Variants in ROBO1 observed in about 807,000 individuals in gnomAD.
The protein encoded by ROBO1 is roundabout guidance receptor 1, also known as roundabout homolog 1.
A neutral mutation model predicts 195.9 loss-of-function variants in ROBO1; 149 were observed. The observed-to-expected ratio is 0.76, with a 90% CI of 0.67 to 0.87. ROBO1 has a LOEUF of 0.87. Ranked by LOEUF, ROBO1 falls within the 40% of genes least tolerant of loss-of-function variation. ROBO1 has a pLI of 0.00. For synonymous variants in ROBO1, 816 were observed against 733.2 expected, an observed-to-expected ratio of 1.11 and a Z score of -1.82; for missense variants, 1,933 against 2,068.3, an observed-to-expected ratio of 0.93 and a Z score of 1.27.
At chr3:78,698,748 C>G (rs1159789982) in intron 8 of ROBO1, among the ~76,000 whole-genome samples, 3 of 152,174 alleles carry the variant, frequency 2.0e-5, no homozygotes, top group African/African-American at 4.8e-5. Context: ...TAAAGCTTAT[C>G]AGAATACTAA....
chr3:79,427,851 A>AT (rs1341514070), intron 2 of ROBO1, among the ~76,000 whole-genome samples: 1 of 151,960 alleles, frequency 6.6e-6, no homozygotes, highest in Non-Finnish European at 1.5e-5. Context: ...AAAGAAAACA[A>AT]TGGGGAAACT....
rs751773740 is a variant in ROBO1 at position 78,617,659 on chromosome 3, G to A, written c.4258C>T (p.Arg1420Ter). ...CCAGCAGCATCCTGCATTTGCCGTC[G>A]TGCTACTTTCAGACCAGCATACTCT... is the stretch of plus-strand genomic sequence containing the variant. ...AAEYAGLKVA[R>*]RQMQDAAGRR... Residue 1420 changes from arginine (R) to a stop codon, truncating the protein, a stop_gained, in exon 27 of 31, where the codon CGA becomes TGA. Transcript: ENST00000464233. LOFTEE classifies it high-confidence loss of function. 5 of 1,612,802 alleles carry A rather than the reference G, an allele frequency of 3.1e-6. No individual in the cohort carries two copies. Among genetic ancestry groups the A allele is most frequent in the Non-Finnish European group, 4.2e-6 (5 of 1,179,332 alleles).
chr3:79,059,667 C>T (rs948046143), intron 3 of ROBO1, among the ~76,000 whole-genome samples: 8 of 151,990 alleles, frequency 5.3e-5, no homozygotes, highest in Non-Finnish European at 7.4e-5. Context: ...TCTCTGAACA[C>T]AAATTGTGAA....
At chr3:79,586,606 T>G (rs897261615) in intron 2 of ROBO1, among the ~76,000 whole-genome samples, 12 of 151,942 alleles carry the variant, frequency 7.9e-5, no homozygotes, top group Non-Finnish European at 2.9e-5. Flanking sequence ...TCTTCATGTA[T>G]TTTCATTTAA....
At chr3:79,744,360 A>C (rs549717896) in intron 1 of ROBO1, among the ~76,000 whole-genome samples, 21 of 152,316 alleles carry the variant, frequency 1.4e-4, no homozygotes, top group African/African-American at 4.8e-4. Flanking sequence ...AAAATAGTTA[A>C]GAAATAAACC....
At chr3:79,310,186 T>C (rs2033415203) in intron 2 of ROBO1, among the ~76,000 whole-genome samples, 1 of 152,164 alleles carries the variant, frequency 6.6e-6, no homozygotes, top group African/African-American at 2.4e-5. Flanking sequence ...TCAACACTAC[T>C]GGACCATAAC....
intron 2 of ROBO1, among the ~76,000 whole-genome samples, chr3:79,143,377 A>G (rs1460743547): frequency 6.6e-6 from 1 of 152,118 alleles, no homozygotes; most frequent in East Asian, 1.9e-4. Context: ...GCAAAAACAT[A>G]TAGGTATAAA....
intron 4 of ROBO1, among the ~76,000 whole-genome samples, chr3:78,913,351 A>G (rs1008120212): frequency 1.3e-5 from 2 of 152,120 alleles, no homozygotes; most frequent in Non-Finnish European, 2.9e-5. Flanking sequence ...TATGTATCGC[A>G]GTCAACTGAG....
chr3:79,683,592 C>A (rs1947012732), intron 1 of ROBO1, among the ~76,000 whole-genome samples: 1 of 152,062 alleles, frequency 6.6e-6, no homozygotes, highest in African/African-American at 2.4e-5. Flanking sequence ...TGCCCATTAG[C>A]AGTCACTCCC....
chr3:78,780,755 G>A (rs943924591), intron 4 of ROBO1, among the ~76,000 whole-genome samples: 15 of 152,110 alleles, frequency 9.9e-5, no homozygotes, highest in African/African-American at 3.6e-4. Flanking sequence ...CTCTTTTGGT[G>A]CCTACCACAT....
chr3:78,945,627 G>T (rs1426537339), intron 3 of ROBO1, among the ~76,000 whole-genome samples: 1 of 152,136 alleles, frequency 6.6e-6, no homozygotes, highest in Non-Finnish European at 1.5e-5. Context: ...CTCCTCCAAA[G>T]GAATGCAGCT....
intron 2 of ROBO1, among the ~76,000 whole-genome samples, chr3:79,395,321 C>CAAAAAAAAAAAAAA (rs71631647): frequency 2.0e-5 from 1 of 50,166 alleles, no homozygotes; most frequent in African/African-American, 5.7e-5. Context: ...GACTCCGTCT[C>CAAAAAAAAAAAAAA]AAAAAAAAAA....
Position 78,936,608 on chromosome 3 carries a change from T to C in ROBO1, c.499+1993A>G, listed in dbSNP as rs541260172. Among the ~76,000 whole-genome samples the C allele has an allele frequency of 5.3e-5, 8 of 152,150 alleles. No individual in the cohort carries two copies. In the East Asian group the frequency reaches 1.2e-3, roughly 22 times the overall value. ...CGATTATCCCCTAGACAATACGGTA[T>C]AGCAACAATTACTATATGAGCTATT... On this transcript the variant is annotated intron_variant, in intron 4 of 30. Transcript: ENST00000464233.
intron 2 of ROBO1, among the ~76,000 whole-genome samples, chr3:79,400,045 G>T (rs1233135276): frequency 1.3e-5 from 2 of 152,036 alleles, no homozygotes; most frequent in Admixed American, 1.3e-4. Context: ...ATTCAGAAAC[G>T]CTTGCTGTGT....
chr3:78,802,854 A>C (rs111382953), intron 4 of ROBO1, among the ~76,000 whole-genome samples: 3 of 152,152 alleles, frequency 2.0e-5, no homozygotes, highest in African/African-American at 7.2e-5. Flanking sequence ...GAGAGATCAT[A>C]TATATGTTCT....
intron 9 of ROBO1, among the ~76,000 whole-genome samples, chr3:78,688,198 TTAAAGAGAATTTC>T (rs2081092794): frequency 6.6e-6 from 1 of 152,194 alleles, no homozygotes. Context: ...AACATCTCTG[TTAAAGAGAATTTC>T]ATATAGCTTA....
chr3:78,725,034 T>C (rs2082130358), intron 5 of ROBO1, among the ~76,000 whole-genome samples: 1 of 152,108 alleles, frequency 6.6e-6, no homozygotes. Context: ...ATAATCCGGG[T>C]AGTGGAGAAG....
chr3:78,607,577 C>CTT (rs1252336240), intron 28 of ROBO1, among the ~76,000 whole-genome samples: 1 of 152,184 alleles, frequency 6.6e-6, no homozygotes, highest in African/African-American at 2.4e-5. Flanking sequence ...AAAGTTGGTA[C>CTT]TTAGTGACAT....
At chr3:79,405,739 T>A (rs907155171) in intron 2 of ROBO1, among the ~76,000 whole-genome samples, 9 of 152,150 alleles carry the variant, frequency 5.9e-5, no homozygotes. Context: ...TTTAACTTAG[T>A]GGATGTAATG....
Sources: allele counts gnomAD v4.1 joint callset (sites outside exome capture counted in the v4.1 genomes callset), GRCh38; gene constraint gnomAD v4.1.1; transcripts MANE v1.5; gene names NCBI Gene and HGNC (gene_info 2026-07-23, HGNC 2026-07-21).